EIF4B: variants seen among roughly 807,000 people sequenced by gnomAD.
EIF4B encodes eukaryotic translation initiation factor 4B.
A neutral mutation model predicts 79.3 loss-of-function variants in EIF4B; 8 were observed. The observed-to-expected ratio is 0.10, with a 90% confidence interval of 0.06 to 0.18. The LOEUF (loss-of-function observed/expected upper bound fraction) is 0.18. EIF4B is among the 10% of genes least tolerant of loss of function. The pLI is 1.00. For missense variants in EIF4B, 515 were observed against 792.4 expected (o/e 0.65, Z 4.20); for synonymous variants, 238 against 274.7 (o/e 0.87, Z 1.32).
intron 2 of EIF4B, among the ~76,000 whole-genome samples, chr12:53,017,448 C>T (rs1175072086): frequency 6.6e-6 from 1 of 152,084 alleles, no homozygotes; most frequent in Non-Finnish European, 1.5e-5. Context: ...AGTTCTGTGC[C>T]TTCAGGGAGT....
intron 4 of EIF4B, among the ~76,000 whole-genome samples, chr12:53,021,471 A>G (rs1045491807): frequency 2.0e-5 from 3 of 152,318 alleles, no homozygotes; most frequent in Non-Finnish European, 2.9e-5. Flanking sequence ...GGCACCAAAT[A>G]TGCCTTTTAT....
At chr12:53,034,956 C>CTTTTTTTTTTTTTTTTTTTTTTTTTTT (rs72498436) in intron 10 of EIF4B, among the ~76,000 whole-genome samples, 1 of 90,152 alleles carries the variant, frequency 1.1e-5, no homozygotes, top group Admixed American at 1.2e-4. Flanking sequence ...TTGTCTCTCT[C>CTTTTTTTTTTTTTTTTTTTTTTTTTTT]TTTTTTTTTT....
chr12:53,026,648 C>G (rs1943339362), intron 6 of EIF4B, among the ~76,000 whole-genome samples: 1 of 152,200 alleles, frequency 6.6e-6, no homozygotes, highest in African/African-American at 2.4e-5. Flanking sequence ...GTCACCCAGG[C>G]TGGAGTGCCT....
At position 53,034,956 on chromosome 12, in the gene EIF4B, C is replaced by CTTT. The variant is rs72498436; in HGVS notation, c.1306+267_1306+269dup. On this transcript the variant is annotated intron_variant, in intron 10 of 14. Transcript: ENST00000262056. The stretch of plus-strand genomic sequence containing the variant: ...ACTTGGTTGTTAGGTTTGTCTCTCT[C>CTTT]TTTTTTTTTTTTTTTTTTTTTTGGT... 4.4e-4 allele frequency among the ~76,000 whole-genome samples: 40 copies of CTTT among 90,146 alleles called. No homozygotes were observed. The East Asian group carries it at 6.1e-3, about 14-fold the overall frequency. 59.1% of individuals were successfully genotyped at this position (90,146 alleles called of 152,430 possible).
At chr12:53,039,056 G>A in intron 12 of EIF4B, 182 bp from the exon 13 acceptor site, 1 of 495,386 alleles carries the variant, frequency 2.0e-6, no homozygotes, top group Non-Finnish European at 3.6e-6. Flanking sequence ...TTTGTTTTTT[G>A]TATTTTTGTG....
intron 6 of EIF4B, among the ~76,000 whole-genome samples, chr12:53,024,261 A>C (rs1410339759): frequency 6.6e-6 from 1 of 152,218 alleles, no homozygotes; most frequent in African/African-American, 2.4e-5. Flanking sequence ...AGAAGCTACT[A>C]CCTAGTAAAA....
At position 53,016,627 on chromosome 12, in the gene EIF4B, C is replaced by A; in HGVS notation, c.151+17C>A. ...AAGGAGATGGTAACTTTTCTTTTGT[C>A]ATCGTGTTTGGAATGTTTATTATTT... On this transcript the variant is annotated intron_variant, in intron 2 of 14. Transcript: ENST00000262056. 6.4e-7 allele frequency: 1 copy of A among 1,559,256 alleles called. No homozygotes were observed. Among genetic ancestry groups the A allele is most frequent in the South Asian group, 1.2e-5 (1 of 82,396 alleles).
At chr12:53,027,136 A>AGTTTTTTTTTTTTTTTTTT (rs777111413) in intron 6 of EIF4B, among the ~76,000 whole-genome samples, 2 of 29,444 alleles carry the variant, frequency 6.8e-5, no homozygotes, top group Non-Finnish European at 2.4e-4. Flanking sequence ...AAAAAAAAAA[A>AGTTTTTTTTTTTTTTTTTT]ATTTTTTTTT....
chr12:53,007,038 G>T (rs952864940), intron 1 of EIF4B, among the ~76,000 whole-genome samples: 17 of 152,184 alleles, frequency 1.1e-4, no homozygotes, highest in African/African-American at 3.4e-4. Context: ...AGACACGAGG[G>T]TAGTAGAGAC....
At chr12:53,021,630 C>T (rs1018017432) in intron 4 of EIF4B, 176 bp from the exon 5 acceptor site, 1 of 726,470 alleles carries the variant, frequency 1.4e-6, no homozygotes, top group African/African-American at 1.8e-5. Context: ...ATTTGTTTAA[C>T]TTTTAAGTCT....
intron 6 of EIF4B, among the ~76,000 whole-genome samples, chr12:53,023,761 TTAG>T (rs1207189816): frequency 2.0e-5 from 3 of 151,594 alleles, no homozygotes. Flanking sequence ...TTTTGTATTC[TTAG>T]TAGAGATGGG....
intron 8 of EIF4B, among the ~76,000 whole-genome samples, chr12:53,031,667 A>G (rs2120963510): frequency 1.3e-5 from 2 of 152,378 alleles, no homozygotes; most frequent in Middle Eastern, 6.8e-3. Context: ...CAGATTTAAA[A>G]TATGTTTAGG....
intron 5 of EIF4B, 85 bp from the exon 6 acceptor site, chr12:53,022,408 T>A: frequency 6.3e-7 from 1 of 1,580,826 alleles, no homozygotes; most frequent in Non-Finnish European, 8.7e-7. Flanking sequence ...AAAAATAGGG[T>A]AAAATGGGGG....
Position 53,030,413 on chromosome 12 carries a change from C to CTTTTTTTTTGTTTTTTTTTT in EIF4B, c.979+2234_979+2235insGTTTTTTTTTTTTTTTTTTT, listed in dbSNP as rs1943415963. 4.6e-5 allele frequency among the ~76,000 whole-genome samples: 2 copies of CTTTTTTTTTGTTTTTTTTTT among 43,066 alleles called. 1 individual carries two copies. Among genetic ancestry groups the CTTTTTTTTTGTTTTTTTTTT allele is most frequent in the African/African-American group, 1.0e-4 (2 of 19,158 alleles). The allele number at this position is 43,066 out of a possible 152,430, so 28.3% of individuals were successfully genotyped here. Reference sequence around the variant, plus strand: ...GAAATAGGTTTTAAAAAATTATATTCTTTTTTTTTTTTTTTTTTTTTTTTT... The same window carrying CTTTTTTTTTGTTTTTTTTTT: ...GAAATAGGTTTTAAAAAATTATATTCTTTTTTTTTGTTTTTTTTTTTTTTTTTTTTTTTTTTTTTTTTTTT... On this transcript the variant is annotated intron_variant, in intron 8 of 14. Coordinates refer to ENST00000262056, the MANE Select transcript of EIF4B (RefSeq NM_001417.7).
chr12:53,027,583 T>G (rs1943358433), intron 6 of EIF4B, among the ~76,000 whole-genome samples, 199 bp from the exon 7 acceptor site: 1 of 152,216 alleles, frequency 6.6e-6, no homozygotes, highest in South Asian at 2.1e-4. Flanking sequence ...TTATGGAATA[T>G]TTAGGGATTT....
intron 1 of EIF4B, among the ~76,000 whole-genome samples, chr12:53,010,800 C>G (rs936013419): frequency 6.6e-6 from 1 of 152,000 alleles, no homozygotes; most frequent in Admixed American, 6.6e-5. Context: ...CTCGAGCTCC[C>G]GACCTCAGGT....
At chr12:53,018,163 G>C (rs1046038050) in intron 2 of EIF4B, among the ~76,000 whole-genome samples, 2 of 152,142 alleles carry the variant, frequency 1.3e-5, no homozygotes, top group African/African-American at 4.8e-5. Flanking sequence ...GCTAATTTTT[G>C]TATTTTTAGT....
intron 1 of EIF4B, among the ~76,000 whole-genome samples, chr12:53,009,431 G>A (rs778682021): frequency 5.3e-5 from 8 of 151,658 alleles, no homozygotes; most frequent in South Asian, 2.1e-4. Flanking sequence ...GGAGGCAGAG[G>A]TTGCAGTGAA....
chr12:53,019,437 A>ATATTTTTTTTTTTTTT (rs1943205076), intron 3 of EIF4B, among the ~76,000 whole-genome samples: 1 of 51,008 alleles, frequency 2.0e-5, no homozygotes. Flanking sequence ...ATATATATAT[A>ATATTTTTTTTTTTTTT]TTTTTTTTTT....
Sources: gnomAD v4.1 joint callset for allele counts (sites outside exome capture counted in the v4.1 genomes callset) on GRCh38, gnomAD v4.1.1 for gene constraint, MANE v1.5 for transcripts, NCBI Gene and HGNC (gene_info 2026-07-23, HGNC 2026-07-21) for gene names.